Variants in NARS2 observed in about 807,000 individuals in gnomAD.
The protein encoded by NARS2 is asparaginyl-tRNA synthetase.
NARS2 carries 60 observed loss-of-function variants against 62.9 expected under a neutral mutation model. That is an observed-to-expected ratio of 0.95 (90% CI 0.77 to 1.18). The LOEUF is 1.18. NARS2 is among the 50% of genes most tolerant of loss of function. The pLI, the probability that NARS2 is intolerant of heterozygous loss-of-function variation, is 0.00. For synonymous variants in NARS2, 196 were observed against 200.0 expected (o/e 0.98, Z 0.17); for missense variants, 619 against 576.4 (o/e 1.07, Z -0.76).
chr11:78,468,310 G>GGAAAAAAAAAAAAAAA (rs1555015326), intron 10 of NARS2, among the ~76,000 whole-genome samples: 16 of 67,410 alleles, frequency 2.4e-4, no homozygotes, highest in South Asian at 4.8e-4. Flanking sequence ...CACTAAATCT[G>GGAAAAAAAAAAAAAAA]AAAAAAAAAA....
intron 11 of NARS2, among the ~76,000 whole-genome samples, chr11:78,452,080 A>C (rs1271111901): frequency 2.2e-4 from 34 of 152,028 alleles, no homozygotes; most frequent in Admixed American, 2.2e-3. Context: ...ATGAGTTTCA[A>C]CTATGATTCT....
chr11:78,567,023 T>G (rs1264943735), intron 3 of NARS2, among the ~76,000 whole-genome samples: 1 of 152,220 alleles, frequency 6.6e-6, no homozygotes, highest in African/African-American at 2.4e-5. Flanking sequence ...AGCACTATAC[T>G]TACTAAAAGT....
chr11:78,502,983 G>GAC (rs1565241864), intron 6 of NARS2, among the ~76,000 whole-genome samples: 2 of 30,998 alleles, frequency 6.5e-5, no homozygotes, highest in South Asian at 1.9e-3. Flanking sequence ...AACAGAGTGA[G>GAC]ACTGTCTCAA....
At position 78,528,924 on chromosome 11, in the gene NARS2, G is replaced by A. The variant is rs1861388684; in HGVS notation, c.607C>T (p.Leu203Phe). 1.3e-5 allele frequency: 21 copies of A among 1,610,182 alleles called. No homozygotes were observed. Among genetic ancestry groups the A allele is most frequent in the Non-Finnish European group, 1.8e-5 (21 of 1,177,486 alleles). Residue 203 changes from leucine (L) to phenylalanine (F), a missense_variant, in exon 6 of 14, where the codon CTT becomes TTT. Coordinates refer to ENST00000281038, the MANE Select transcript of NARS2 (RefSeq NM_024678.6). ...ELFQLEPSGKLKVPEENFFNV... is the reference protein window; with the variant it reads ...ELFQLEPSGKFKVPEENFFNV... ...AAGAAATTCTCCTCAGGTACCTTAA[G>A]TTTGCCTGAAGGCTGCAAATCAAAA... is the stretch of plus-strand genomic sequence containing the variant.
At position 78,574,403 on chromosome 11, in the gene NARS2, C is replaced by G. The variant is rs559769498; in HGVS notation, c.86G>C (p.Ser29Thr). 2 of 1,614,226 alleles carry G rather than the reference C, an allele frequency of 1.2e-6. No homozygotes were observed. The highest frequency in any genetic ancestry group is 1.3e-5 in the African/African-American group (1 of 75,060). The change falls in exon 1 of 14, where the codon AGC becomes ACC. Residue 29 changes from serine to threonine, a missense_variant. Physicochemically the swap from Ser to Thr is moderately conservative, Grantham distance 58. Coordinates refer to ENST00000281038, the MANE Select transcript of NARS2 (RefSeq NM_024678.6). Reference sequence around the variant, plus strand: ...CTGAGCCCCGAGAGCGTCCCGCACGCTCAGTTTGGCTGAAGGTTTGTGCTT... The same window carrying G: ...CTGAGCCCCGAGAGCGTCCCGCACGGTCAGTTTGGCTGAAGGTTTGTGCTT... ...FPKHKPSAKL[S>T]VRDALGAQNA...
intron 10 of NARS2, among the ~76,000 whole-genome samples, chr11:78,468,788 T>A (rs986171723): frequency 4.0e-5 from 6 of 150,936 alleles, no homozygotes; most frequent in Admixed American, 2.6e-4. Context: ...TTTTTAAAAA[T>A]TCACTTTTTT....
At chr11:78,531,930 A>T (rs1861496007) in intron 5 of NARS2, among the ~76,000 whole-genome samples, 1 of 152,152 alleles carries the variant, frequency 6.6e-6, no homozygotes, top group Admixed American at 6.5e-5. Flanking sequence ...GGGGTGGTAA[A>T]AATGTTTGGA....
At position 78,565,087 on chromosome 11, in the gene NARS2, T is replaced by G. The variant is rs565534811; in HGVS notation, c.513+1045A>C. ...TTATCTGCTGGATCACTCCTTGTCTTTGGGGCCCTCCCATCCACAGGGAGA... is the reference window on the plus strand; with the variant it reads ...TTATCTGCTGGATCACTCCTTGTCTGTGGGGCCCTCCCATCCACAGGGAGA... On this transcript the variant is annotated intron_variant, in intron 4 of 13. Coordinates refer to ENST00000281038, the MANE Select transcript of NARS2 (RefSeq NM_024678.6). Among the ~76,000 whole-genome samples the G allele has an allele frequency of 2.6e-5, 4 of 152,314 alleles. No individual in the cohort carries two copies. The South Asian group carries it at 8.3e-4, about 32-fold the overall frequency.
intron 5 of NARS2, among the ~76,000 whole-genome samples, chr11:78,559,030 C>A (rs1436137654): frequency 2.0e-5 from 3 of 152,088 alleles, no homozygotes; most frequent in Admixed American, 1.3e-4. Flanking sequence ...CTTGGCCAGG[C>A]ATGGTGGCTC....
At chr11:78,469,139 T>C in intron 10 of NARS2, 108 bp downstream of exon 10, 3 of 740,164 alleles carry the variant, frequency 4.1e-6, no homozygotes, top group South Asian at 3.5e-5. Context: ...TGCCATATTT[T>C]GCTAATAAGA....
intron 1 of NARS2, among the ~76,000 whole-genome samples, chr11:78,572,792 A>G (rs1012290297): frequency 6.6e-6 from 1 of 152,176 alleles, no homozygotes; most frequent in African/African-American, 2.4e-5. Flanking sequence ...ACTTTAACCT[A>G]TTATGCCCCA....
At chr11:78,464,951 A>G (rs890502361) in intron 11 of NARS2, among the ~76,000 whole-genome samples, 2 of 152,242 alleles carry the variant, frequency 1.3e-5, no homozygotes, top group African/African-American at 4.8e-5. Context: ...CCTGCCTGCC[A>G]GTCCCGCGCC....
At chr11:78,496,754 C>G (rs2135340778) in intron 6 of NARS2, among the ~76,000 whole-genome samples, 1 of 152,058 alleles carries the variant, frequency 6.6e-6, no homozygotes, top group East Asian at 1.9e-4. Context: ...CTCGTCAATA[C>G]TTTGTAATCT....
At position 78,563,366 on chromosome 11, in the gene NARS2, C is replaced by T. The variant is rs775883807; in HGVS notation, c.513+2766G>A. ...CCAAGTAGCTGGGACTACAGGCACG[C>T]AACACCACGCCCAGCTAATTTTTGT... is the stretch of plus-strand genomic sequence containing the variant. On this transcript the variant is annotated intron_variant, in intron 4 of 13. Coordinates refer to ENST00000281038, the MANE Select transcript of NARS2 (RefSeq NM_024678.6). Among the ~76,000 whole-genome samples, 267 of 151,516 alleles carry T rather than the reference C, an allele frequency of 1.8e-3. 2 individuals carry two copies. The highest frequency in any genetic ancestry group is 3.1e-3 in the Non-Finnish European group (213 of 67,854).
rs931879464 is a variant in NARS2, at chr11:78,574,617, C to T, written c.-129G>A. 1 of 1,027,936 alleles carries T rather than the reference C, an allele frequency of 9.7e-7. No individual in the cohort carries two copies. Among genetic ancestry groups the T allele is most frequent in the African/African-American group, 1.6e-5 (1 of 61,426 alleles). 63.7% of individuals were successfully genotyped at this position (1,027,936 alleles called of 1,614,324 possible). A position where few individuals can be genotyped will look rare whatever the true frequency, so the allele number is the denominator to read the frequency against. ...GCTCTGCTCTAAGGCACTCCAGAGC[C>T]CCTCGGCTGCGCGCTTTCTCCTTCA... On this transcript the variant is annotated 5_prime_UTR_variant, in exon 1 of 14. Transcript: ENST00000281038.
At chr11:78,456,762 C>T (rs148996388) in intron 11 of NARS2, among the ~76,000 whole-genome samples, 1 of 152,318 alleles carries the variant, frequency 6.6e-6, no homozygotes, top group East Asian at 1.9e-4. Flanking sequence ...GAATAAAAGA[C>T]TATTCTTCTC....
At position 78,567,340 on chromosome 11, in the gene NARS2, T is replaced by C. The variant is rs1046834181; in HGVS notation, c.373-1068A>G. ...CAGGACAAAAGGATGATTCACATTC[T>C]AGGCAGGATGGAGCAGGACGGCTCA... On this transcript the variant is annotated intron_variant, in intron 3 of 13. Coordinates refer to ENST00000281038, the MANE Select transcript of NARS2 (RefSeq NM_024678.6). Among the ~76,000 whole-genome samples, 31 of 152,306 alleles carry C rather than the reference T, an allele frequency of 2.0e-4. 1 individual carries two copies. Among genetic ancestry groups the C allele is most frequent in the Non-Finnish European group, 2.2e-4 (15 of 68,028 alleles).
chr11:78,523,470 T>C (rs1371737088), intron 6 of NARS2, among the ~76,000 whole-genome samples: 1 of 152,206 alleles, frequency 6.6e-6, no homozygotes, highest in East Asian at 1.9e-4. Flanking sequence ...CCTAGGTATC[T>C]ACCAAAGAGA....
At position 78,478,578 on chromosome 11, in the gene NARS2, T is replaced by C; in HGVS notation, c.921+7A>G. On this transcript the variant is annotated splice_region_variant and intron_variant, in intron 8 of 13. Transcript: ENST00000281038. ...ATGTATTGGGCTTTATCCATAAAAC[T>C]AATTACCTTTTGGCCAGGTGCTATG... 1 of 1,580,144 alleles carries C rather than the reference T, an allele frequency of 6.3e-7. No homozygotes were observed.
Sources: allele counts gnomAD v4.1 joint callset (sites outside exome capture counted in the v4.1 genomes callset), GRCh38; gene constraint gnomAD v4.1.1; transcripts MANE v1.5; gene names NCBI Gene and HGNC (gene_info 2026-07-23, HGNC 2026-07-21).